The following MEOX2 variants were observed in gnomAD, a reference collection of about 807,000 sequenced individuals.
The protein encoded by MEOX2 is homeobox protein MOX-2.
In MEOX2, 11 loss-of-function variants were observed where a neutral mutation model predicts 27.0. The ratio of observed to expected loss-of-function variants is 0.41; its 90% CI spans 0.26 to 0.68. The LOEUF (loss-of-function observed/expected upper bound fraction) is 0.68, where lower values mean the gene tolerates loss of function less well. Among genes scored for constraint, MEOX2 ranks in the 30% least tolerant of loss-of-function variants. The pLI is 0.33. For missense variants in MEOX2, 436 were observed against 385.4 expected, an observed-to-expected ratio of 1.13 and a Z score of -1.10; for synonymous variants, 189 against 155.4, an observed-to-expected ratio of 1.22 and a Z score of -1.61.
At chr7:15,685,336 C>T (rs1378878614) in intron 1 of MEOX2, among the ~76,000 whole-genome samples, 1 of 151,486 alleles carries the variant, frequency 6.6e-6, no homozygotes, top group Non-Finnish European at 1.5e-5. Context: ...ATTTAAAGAA[C>T]GCTGAAATAA....
chr7:15,652,386 C>T (rs1225273829), intron 1 of MEOX2, among the ~76,000 whole-genome samples: 2 of 151,972 alleles, frequency 1.3e-5, no homozygotes, highest in Non-Finnish European at 2.9e-5. Flanking sequence ...ATATATGTCA[C>T]AATATCTTTT....
intron 2 of MEOX2, among the ~76,000 whole-genome samples, chr7:15,615,386 G>C (rs1205736546): frequency 6.7e-6 from 1 of 150,134 alleles, no homozygotes; most frequent in African/African-American, 2.5e-5. Flanking sequence ...GTTTGTTTTG[G>C]TTCCTGTTAT....
chr7:15,625,250 T>TA (rs906098825), intron 2 of MEOX2, among the ~76,000 whole-genome samples: 6 of 152,108 alleles, frequency 3.9e-5, no homozygotes, highest in South Asian at 2.1e-4. Flanking sequence ...GTTCCCTGTT[T>TA]AAAAAAAATA....
intron 2 of MEOX2, among the ~76,000 whole-genome samples, chr7:15,615,976 G>A (rs1265787640): frequency 6.6e-6 from 1 of 151,896 alleles, no homozygotes; most frequent in East Asian, 1.9e-4. Flanking sequence ...AATTCTAAAT[G>A]TAAGAATATG....
rs987886816 is a variant in MEOX2 at position 15,612,247 on chromosome 7, T to A, written c.*140A>T. 1.4e-6 allele frequency: 1 copy of A among 714,410 alleles called. No homozygotes were observed. Among genetic ancestry groups the A allele is most frequent in the East Asian group, 2.7e-5 (1 of 37,128 alleles). 44.3% of individuals were successfully genotyped at this position (714,410 alleles called of 1,614,324 possible). A position where few individuals can be genotyped will look rare whatever the true frequency, so the allele number is the denominator to read the frequency against. On this transcript the variant is annotated 3_prime_UTR_variant, in exon 3 of 3. Transcript: ENST00000262041. ...CTTTGTGTAAACCCTCTATAAATCA[T>A]GAAAAACAGATTCGAAATGCCTGGA...
chr7:15,660,114 C>A (rs1424854486), intron 1 of MEOX2, among the ~76,000 whole-genome samples: 1 of 152,108 alleles, frequency 6.6e-6, no homozygotes, highest in African/African-American at 2.4e-5. Flanking sequence ...GACTCCTGAA[C>A]TAGATCTTAA....
chr7:15,636,038 C>A (rs1050934591), intron 1 of MEOX2, among the ~76,000 whole-genome samples: 2 of 151,868 alleles, frequency 1.3e-5, no homozygotes, highest in Non-Finnish European at 2.9e-5. Flanking sequence ...CTTTTAGAGT[C>A]CTGTCAAACA....
At chr7:15,684,254 T>C (rs1782339749) in intron 1 of MEOX2, among the ~76,000 whole-genome samples, 1 of 152,212 alleles carries the variant, frequency 6.6e-6, no homozygotes, top group Non-Finnish European at 1.5e-5. Flanking sequence ...CAACCCGAAC[T>C]GGGATCTGCT....
chr7:15,619,397 G>A (rs75318715), intron 2 of MEOX2, among the ~76,000 whole-genome samples: 1 of 151,916 alleles, frequency 6.6e-6, no homozygotes, highest in Admixed American at 6.6e-5. Flanking sequence ...TTGTTAATTT[G>A]TTGATTACAT....
At chr7:15,670,831 G>C (rs151010004) in intron 1 of MEOX2, among the ~76,000 whole-genome samples, 1 of 152,060 alleles carries the variant, frequency 6.6e-6, no homozygotes, top group African/African-American at 2.4e-5. Flanking sequence ...TTTAGACTAC[G>C]GGGTCCTTGA....
At chr7:15,654,575 C>T (rs1412033140) in intron 1 of MEOX2, among the ~76,000 whole-genome samples, 1 of 151,640 alleles carries the variant, frequency 6.6e-6, no homozygotes, top group Non-Finnish European at 1.5e-5. Flanking sequence ...AAGTTTGCCT[C>T]CATTTCTAGT....
chr7:15,666,715 G>A (rs1399868045), intron 1 of MEOX2, among the ~76,000 whole-genome samples: 5 of 123,310 alleles, frequency 4.1e-5, no homozygotes, highest in Non-Finnish European at 4.7e-5. Context: ...TCGTGCCACT[G>A]CACTCCAGCG....
intron 1 of MEOX2, among the ~76,000 whole-genome samples, chr7:15,627,377 T>G (rs1055879609): frequency 5.9e-5 from 9 of 152,080 alleles, no homozygotes; most frequent in African/African-American, 2.2e-4. Flanking sequence ...CATAAAAAAT[T>G]TTATGCTCAG....
At chr7:15,676,783 G>C (rs545895154) in intron 1 of MEOX2, among the ~76,000 whole-genome samples, 3 of 151,786 alleles carry the variant, frequency 2.0e-5, no homozygotes, top group Non-Finnish European at 4.4e-5. Context: ...ACTTGAACCC[G>C]GACAGCAGAG....
intron 1 of MEOX2, among the ~76,000 whole-genome samples, chr7:15,678,129 C>T (rs1056450436): frequency 1.3e-5 from 2 of 152,168 alleles, no homozygotes; most frequent in Non-Finnish European, 2.9e-5. Context: ...ATCATTTTTA[C>T]ATCTACATTC....
chr7:15,632,681 T>G (rs190628452), intron 1 of MEOX2, among the ~76,000 whole-genome samples: 1 of 152,066 alleles, frequency 6.6e-6, no homozygotes, highest in Admixed American at 6.6e-5. Context: ...GACACAGATT[T>G]GATTCTTCTA....
At chr7:15,684,859 A>G (rs1237115389) in intron 1 of MEOX2, among the ~76,000 whole-genome samples, 1 of 152,386 alleles carries the variant, frequency 6.6e-6, no homozygotes, top group Non-Finnish European at 1.5e-5. Flanking sequence ...TAACAATTTT[A>G]TAAAAATACA....
At chr7:15,672,463 T>C (rs1782115345) in intron 1 of MEOX2, among the ~76,000 whole-genome samples, 1 of 152,248 alleles carries the variant, frequency 6.6e-6, no homozygotes, top group Non-Finnish European at 1.5e-5. Flanking sequence ...AATATAGACA[T>C]CTTACCTTTG....
intron 1 of MEOX2, among the ~76,000 whole-genome samples, chr7:15,642,322 T>C (rs974756347): frequency 2.6e-5 from 4 of 151,640 alleles, no homozygotes; most frequent in African/African-American, 7.2e-5. Flanking sequence ...AAATTATTTT[T>C]TCTTTATTTT....
Sources: gnomAD v4.1 joint callset for allele counts (sites outside exome capture counted in the v4.1 genomes callset) on GRCh38, gnomAD v4.1.1 for gene constraint, MANE v1.5 for transcripts, NCBI Gene and HGNC (gene_info 2026-07-23, HGNC 2026-07-21) for gene names.